ROBO2: variants seen among roughly 807,000 people sequenced by gnomAD.
ROBO2 encodes the protein roundabout homolog 2.
A neutral mutation model predicts 160.8 loss-of-function variants in ROBO2; 53 were observed. The observed-to-expected ratio is 0.33, with a 90% CI of 0.26 to 0.41. ROBO2 has a LOEUF of 0.41. Among genes scored for constraint, ROBO2 ranks in the 10% least tolerant of loss-of-function variants. The pLI, the probability that ROBO2 is intolerant of heterozygous loss-of-function variation, is 1.00. For synonymous variants in ROBO2, 664 were observed against 611.7 expected (o/e 1.09, Z -1.26); for missense variants, 1,577 against 1,722.4 (o/e 0.92, Z 1.49).
At chr3:75,930,740 G>T (rs1947498834) in intron 1 of ROBO2, among the ~76,000 whole-genome samples, 1 of 151,988 alleles carries the variant, frequency 6.6e-6, no homozygotes, top group Non-Finnish European at 1.5e-5. Context: ...GTCATTTTTG[G>T]CCCTTCCTCA....
intron 2 of ROBO2, among the ~76,000 whole-genome samples, chr3:76,866,190 G>A (rs144857086): frequency 0.011 from 1,697 of 152,024 alleles, 11 homozygotes; most frequent in Non-Finnish European, 0.017. Context: ...TTACTACTCC[G>A]TATGGACAAG....
At chr3:77,332,330 C>T (rs2066055799) in intron 2 of ROBO2, among the ~76,000 whole-genome samples, 1 of 152,130 alleles carries the variant, frequency 6.6e-6, no homozygotes, top group Non-Finnish European at 1.5e-5. Flanking sequence ...GAAATGTGAG[C>T]CATCAGTCCA....
chr3:76,799,162 C>T (rs1004915610), intron 2 of ROBO2, among the ~76,000 whole-genome samples: 4 of 151,476 alleles, frequency 2.6e-5, no homozygotes, highest in African/African-American at 7.3e-5. Context: ...TGCGGTGAGC[C>T]GAGATGGCGC....
At chr3:75,922,659 T>G (rs151131130) in intron 1 of ROBO2, among the ~76,000 whole-genome samples, 1 of 152,140 alleles carries the variant, frequency 6.6e-6, no homozygotes, top group Admixed American at 6.5e-5. Flanking sequence ...GAGAGCATTA[T>G]TGATACGGAG....
chr3:76,615,597 T>C (rs765316136), intron 2 of ROBO2, among the ~76,000 whole-genome samples: 5 of 152,126 alleles, frequency 3.3e-5, no homozygotes, highest in African/African-American at 7.2e-5. Flanking sequence ...TGAGAGCATA[T>C]CTAGACATAA....
chr3:77,257,169 C>T (rs2058472054), intron 2 of ROBO2, among the ~76,000 whole-genome samples: 1 of 152,156 alleles, frequency 6.6e-6, no homozygotes, highest in Non-Finnish European at 1.5e-5. Context: ...CCCCTGTGAT[C>T]ACCAGCTTCT....
At chr3:75,932,101 AG>A (rs1387482810) in intron 1 of ROBO2, among the ~76,000 whole-genome samples, 1 of 152,056 alleles carries the variant, frequency 6.6e-6, no homozygotes, top group African/African-American at 2.4e-5. Context: ...TTCACTTGAG[AG>A]GGTATCAGTG....
intron 2 of ROBO2, among the ~76,000 whole-genome samples, chr3:76,216,716 C>T (rs569357208): frequency 6.0e-4 from 92 of 152,254 alleles, no homozygotes; most frequent in African/African-American, 2.0e-3. Context: ...TAATGGGAGA[C>T]TTTAACACCC....
Position 76,834,112 on chromosome 3 carries a change from T to TTCTTTCTTTCTC in ROBO2, c.110-263899_110-263898insTTCTTTCTCTCT, listed in dbSNP as rs1267085073. On this transcript the variant is annotated intron_variant, in intron 2 of 26. Transcript: ENST00000487694. The stretch of plus-strand genomic sequence containing the variant: ...TTTCTTTCTTTCTTTCTTTCTTTCT[T>TTCTTTCTTTCTC]TCTCTCTGTCTCTCCTTCCTTCTTT... Among the ~76,000 whole-genome samples, 244 of 145,464 alleles carry TTCTTTCTTTCTC rather than the reference T, an allele frequency of 1.7e-3. 4 individuals are homozygous for TTCTTTCTTTCTC. The highest frequency in any genetic ancestry group is 5.9e-3 in the African/African-American group (230 of 38,828).
Position 77,428,262 on chromosome 3 carries a change from T to C in ROBO2, c.389-49152T>C, listed in dbSNP as rs1209915967. The stretch of plus-strand genomic sequence containing the variant: ...GTTACTGAAATTAATGAGGATACAG[T>C]GTCAAAATTATTTGGCCTGTAATAC... On this transcript the variant is annotated intron_variant, in intron 2 of 25. Coordinates refer to ENST00000461745, the Ensembl canonical transcript of ROBO2. 3.0e-4 allele frequency among the ~76,000 whole-genome samples: 46 copies of C among 151,810 alleles called. 1 individual carries two copies. Among genetic ancestry groups the C allele is most frequent in the Non-Finnish European group, 8.8e-5 (6 of 67,962 alleles).
intron 2 of ROBO2, among the ~76,000 whole-genome samples, chr3:76,181,035 A>G (rs1172789979): frequency 1.3e-5 from 2 of 152,242 alleles, no homozygotes; most frequent in Admixed American, 6.6e-5. Flanking sequence ...TACATGACCA[A>G]CAACTTCACT....
At chr3:77,522,203 G>T (rs1397736164) in intron 5 of ROBO2, among the ~76,000 whole-genome samples, 4 of 151,128 alleles carry the variant, frequency 2.6e-5, no homozygotes, top group African/African-American at 2.4e-5. Context: ...AGCTGAGGAT[G>T]TGCATTTCCA....
At chr3:77,542,349 A>G (rs812329) in intron 6 of ROBO2, among the ~76,000 whole-genome samples, 76,051 of 151,938 alleles carry the variant, frequency 0.5, 19,473 homozygotes, top group African/African-American at 0.59. Flanking sequence ...TACTCTTCAA[A>G]TTTTTTGCTT....
At chr3:76,924,284 T>C (rs2076845420) in intron 2 of ROBO2, among the ~76,000 whole-genome samples, 1 of 152,208 alleles carries the variant, frequency 6.6e-6, no homozygotes, top group Non-Finnish European at 1.5e-5. Context: ...AGGCTGGGCC[T>C]CTGGAAGGTG....
At chr3:76,204,045 C>T (rs2107274071) in intron 2 of ROBO2, among the ~76,000 whole-genome samples, 1 of 152,330 alleles carries the variant, frequency 6.6e-6, no homozygotes, top group East Asian at 1.9e-4. Flanking sequence ...TATATATCAT[C>T]TGTTTCCTGC....
chr3:75,999,308 G>A (rs1157917878), intron 2 of ROBO2, among the ~76,000 whole-genome samples: 1 of 152,068 alleles, frequency 6.6e-6, no homozygotes, highest in East Asian at 1.9e-4. Flanking sequence ...ACTGTTCTAA[G>A]TTAGAATCTC....
intron 2 of ROBO2, among the ~76,000 whole-genome samples, chr3:77,217,647 T>A (rs2085160687): frequency 6.6e-6 from 1 of 152,238 alleles, no homozygotes; most frequent in South Asian, 2.1e-4. Context: ...AATGCTTAAT[T>A]ATATTCAGCT....
chr3:76,350,787 A>G (rs2074824701), intron 2 of ROBO2, among the ~76,000 whole-genome samples: 1 of 151,960 alleles, frequency 6.6e-6, no homozygotes, highest in East Asian at 1.9e-4. Flanking sequence ...AAGTAGAAAC[A>G]CTAAATAGAA....
intron 2 of ROBO2, among the ~76,000 whole-genome samples, chr3:76,048,272 T>G (rs563111976): frequency 6.6e-6 from 1 of 152,188 alleles, no homozygotes; most frequent in South Asian, 2.1e-4. Context: ...CAAAGCTCTA[T>G]CTTCTGCTAG....
Sources: gnomAD v4.1 joint callset for allele counts (sites outside exome capture counted in the v4.1 genomes callset) on GRCh38, gnomAD v4.1.1 for gene constraint, MANE v1.5 for transcripts, NCBI Gene and HGNC (gene_info 2026-07-23, HGNC 2026-07-21) for gene names.